TASOR2: variants seen among roughly 807,000 people sequenced by gnomAD.
TASOR2 encodes protein TASOR 2.
A neutral mutation model predicts 199.5 loss-of-function variants in TASOR2; 84 were observed. The ratio of observed to expected loss-of-function variants is 0.42; its 90% confidence interval spans 0.35 to 0.50. The LOEUF (loss-of-function observed/expected upper bound fraction) is 0.50. Ranked by LOEUF, TASOR2 falls within the 20% of genes least tolerant of loss-of-function variation. The probability of loss-of-function intolerance (pLI) is 0.02; values close to 1 mark genes in which losing one functional copy is unlikely to be tolerated. For synonymous variants in TASOR2, 1,103 were observed against 1,046.6 expected, an observed-to-expected ratio of 1.05 and a Z score of -1.04; for missense variants, 2,796 against 2,835.9, an observed-to-expected ratio of 0.99 and a Z score of 0.32.
intron 1 of TASOR2, among the ~76,000 whole-genome samples, chr10:5,703,360 G>C (rs754838028): frequency 6.6e-6 from 1 of 151,786 alleles, no homozygotes; most frequent in African/African-American, 2.4e-5. Context: ...ATAAGGCATA[G>C]GTTTTTTTAA....
rs778166755 is a variant in TASOR2, at chr10:5,740,022, G to A, written c.1852G>A (p.Glu618Lys). Residue 618 changes from glutamate to lysine, a missense_variant, in exon 13 of 21, where the codon GAA (glutamate) becomes AAA (lysine). Glu to Lys is a moderately conservative substitution (Grantham distance 56). Transcript: ENST00000328090. This position sits in a 1 kb window ranked among gnomAD's most constrained non-coding sequence, Gnocchi z 5.3. ...AGACTTAACAGTTAGCCAAGATGAA[G>A]AAAGCTTGGTTCCTTGTAGTCAGGC... 6.2e-7 allele frequency: 1 copy of A among 1,614,100 alleles called. No homozygotes were observed. The highest frequency in any genetic ancestry group is 1.1e-5 in the South Asian group (1 of 91,092).
At chr10:5,756,443 T>C (rs1169712781) in intron 15 of TASOR2, among the ~76,000 whole-genome samples, 170 bp from the exon 17 acceptor site, 1 of 152,210 alleles carries the variant, frequency 6.6e-6, no homozygotes, top group Non-Finnish European at 1.5e-5. Context: ...TTGTTAACAA[T>C]ACCTGATTCA....
chr10:5,735,368 T>G (rs768140519), exon 12 of TASOR2: 1 of 1,614,040 alleles, frequency 6.2e-7, no homozygotes, highest in Non-Finnish European at 8.5e-7. Flanking sequence ...ACCAAGAAGC[T>G]CCTATTTCTA....
chr10:5,687,633 A>C lies in TASOR2; in HGVS notation c.-288+2458A>C, dbSNP rs932277524. Among the ~76,000 whole-genome samples, 1 of 152,246 alleles carries C rather than the reference A, an allele frequency of 6.6e-6. No individual in the cohort carries two copies. The highest frequency in any genetic ancestry group is 1.5e-5 in the Non-Finnish European group (1 of 68,042). ...TCAGGAGTTAGGGACCAGCCTGGCC[A>C]ACATGGTGAAACACCATCTCTACTA... is the stretch of plus-strand genomic sequence containing the variant. On this transcript the variant is annotated intron_variant, in intron 1 of 20. Transcript: ENST00000328090. The surrounding 1 kb of genome is among the most constrained non-coding windows in gnomAD (Gnocchi z 4.8).
chr10:5,712,850 G>A, exon 2 of TASOR2: 1 of 1,230,882 alleles, frequency 8.1e-7, no homozygotes, highest in Non-Finnish European at 1.0e-6. Flanking sequence ...ACAAAAAAAA[G>A]CAAGTAGTTA....
At chr10:5,692,314 T>G (rs1384447396) in intron 1 of TASOR2, among the ~76,000 whole-genome samples, 2 of 152,190 alleles carry the variant, frequency 1.3e-5, no homozygotes, top group African/African-American at 4.8e-5. Context: ...TTGAGATCAC[T>G]GTAGTGAAAA....
At chr10:5,763,596 A>G (rs1440839238) in exon 21 of TASOR2, 4 of 152,102 alleles carry the variant, frequency 2.6e-5, no homozygotes, top group Admixed American at 2.6e-4. Flanking sequence ...GAAAGAAATA[A>G]TCATTTATTT....
intron 1 of TASOR2, among the ~76,000 whole-genome samples, chr10:5,692,543 G>C (rs1025139924): frequency 6.6e-6 from 1 of 152,170 alleles, no homozygotes; most frequent in Non-Finnish European, 1.5e-5. Flanking sequence ...GGTCTGCAGG[G>C]TCCTGGGGTC....
chr10:5,690,695 G>A lies in TASOR2; in HGVS notation c.-288+5520G>A, dbSNP rs1342429404. ...ATTCTCAGGATATTTTTGTAAGAGG[G>A]ACAAAACTACTTAACAGTGTGTATC... On this transcript the variant is annotated intron_variant, in intron 1 of 20. Transcript: ENST00000328090. This position sits in a 1 kb window ranked among gnomAD's most constrained non-coding sequence, Gnocchi z 4.8. Among the ~76,000 whole-genome samples, 1 of 152,110 alleles carries A rather than the reference G, an allele frequency of 6.6e-6. No homozygotes were observed. Among genetic ancestry groups the A allele is most frequent in the Admixed American group, 6.5e-5 (1 of 15,274 alleles).
At chr10:5,734,716 ATTTTTTTTTTTTTTT>A (rs140600979) in intron 11 of TASOR2, among the ~76,000 whole-genome samples, 1 of 54,146 alleles carries the variant, frequency 1.8e-5, no homozygotes, top group African/African-American at 6.7e-5. Context: ...GGTTATGAAG[ATTTTTTTTTTTTTTT>A]TTTTTTTTTT....
In TASOR2 at chr10:5,730,861, C is replaced by T. The variant is rs144234560; in HGVS notation, c.862C>T (p.Pro288Ser). 7 of 1,614,138 alleles carry T rather than the reference C, an allele frequency of 4.3e-6. No homozygotes were observed. Among genetic ancestry groups the T allele is most frequent in the African/African-American group, 1.3e-5 (1 of 75,036 alleles). Residue 288 changes from proline to serine, a missense_variant, in exon 11 of 21, where the codon CCT (proline) becomes TCT (serine). Around this residue, in one of 3 missense-constraint regions of TASOR2, gnomAD observed 847 missense variants for 887.4 expected, o/e 0.95. Coordinates refer to ENST00000328090, the Ensembl canonical transcript of TASOR2. This position sits in a 1 kb window ranked among gnomAD's most constrained non-coding sequence, Gnocchi z 4.1. Reference sequence around the variant, plus strand: ...CTTGCTAGCAGAGCATCCTCAGTCTCCTTGTGTTTCAGACGGAATTTGTGA... The same window carrying T: ...CTTGCTAGCAGAGCATCCTCAGTCTTCTTGTGTTTCAGACGGAATTTGTGA...
At chr10:5,763,047 G>A (rs551904436) in exon 21 of TASOR2, 1 of 1,611,296 alleles carries the variant, frequency 6.2e-7, no homozygotes, top group African/African-American at 1.3e-5. Context: ...ACTACAGCCT[G>A]CCTGGATATG....
At position 5,754,571 on chromosome 10, in the gene TASOR2, G is replaced by A. The variant is rs1028353286; in HGVS notation, c.6607-2042G>A. ...TGCCTGGCTAATTTTTGTATTTTTA[G>A]TAGAGATGGGGTTTCACCATGTTGG... On this transcript the variant is annotated intron_variant, in intron 15 of 20. Transcript: ENST00000328090. The surrounding 1 kb of genome is among the most constrained non-coding windows in gnomAD (Gnocchi z 4.3). Among the ~76,000 whole-genome samples the A allele has an allele frequency of 1.3e-5, 2 of 151,966 alleles. No individual in the cohort carries two copies. The highest frequency in any genetic ancestry group is 2.9e-5 in the Non-Finnish European group (2 of 67,998).
intron 1 of TASOR2, among the ~76,000 whole-genome samples, chr10:5,696,706 T>G (rs984533478): frequency 2.0e-5 from 3 of 151,996 alleles, no homozygotes; most frequent in Non-Finnish European, 4.4e-5. Context: ...CAGCCAAGGG[T>G]CGCCTGCCAT....
chr10:5,746,971 C>G (rs762496499), exon 15 of TASOR2: 2 of 1,614,184 alleles, frequency 1.2e-6, no homozygotes, highest in Non-Finnish European at 1.7e-6. Flanking sequence ...TCAGGATTTC[C>G]TTTCACAGAC....
Position 5,738,398 on chromosome 10 carries a change from T to C in TASOR2, c.1448-1220T>C, listed in dbSNP as rs149465236. Among the ~76,000 whole-genome samples, 247 of 152,352 alleles carry C rather than the reference T, an allele frequency of 1.6e-3. 2 individuals are homozygous for C. Among genetic ancestry groups the C allele is most frequent in the African/African-American group, 5.5e-3 (227 of 41,580 alleles). ...ATATTTTGTGTAAGGGATAAGTAGATGGAGGCCATAATATTAACAAAGAAT... is the reference window on the plus strand; with the variant it reads ...ATATTTTGTGTAAGGGATAAGTAGACGGAGGCCATAATATTAACAAAGAAT... On this transcript the variant is annotated intron_variant, in intron 12 of 20. Coordinates refer to ENST00000328090, the Ensembl canonical transcript of TASOR2. This position sits in a 1 kb window ranked among gnomAD's most constrained non-coding sequence, Gnocchi z 4.7.
chr10:5,690,291 G>T lies in TASOR2; in HGVS notation c.-288+5116G>T, dbSNP rs1836282494. On this transcript the variant is annotated intron_variant, in intron 1 of 20. Transcript: ENST00000328090. This position sits in a 1 kb window ranked among gnomAD's most constrained non-coding sequence, Gnocchi z 4.8. Reference sequence around the variant, plus strand: ...CTGGAGTGTACTTTGTTTTCTCTTAGTAAGATTTTAATTACATTTAATCGG... The same window carrying T: ...CTGGAGTGTACTTTGTTTTCTCTTATTAAGATTTTAATTACATTTAATCGG... Among the ~76,000 whole-genome samples, 1 of 152,024 alleles carries T rather than the reference G, an allele frequency of 6.6e-6. No homozygotes were observed. Among genetic ancestry groups the T allele is most frequent in the African/African-American group, 2.4e-5 (1 of 41,372 alleles).
intron 18 of TASOR2, chr10:5,760,944 A>C (rs1462444786): frequency 1.8e-5 from 3 of 164,078 alleles, no homozygotes; most frequent in African/African-American, 7.2e-5. Flanking sequence ...GTTGGCGATT[A>C]TCTGCCCACA....
At chr10:5,729,825 T>C (rs890514670) in intron 10 of TASOR2, among the ~76,000 whole-genome samples, 2 of 152,178 alleles carry the variant, frequency 1.3e-5, no homozygotes, top group African/African-American at 4.8e-5. Context: ...TTTCTCTTTT[T>C]TTTTCCCTTT....
Sources: gnomAD v4.1 joint callset for allele counts (sites outside exome capture counted in the v4.1 genomes callset) on GRCh38, gnomAD v4.1.1 for gene constraint, gnomAD v4.1.1 regional missense constraint, Gnocchi (gnomAD v3.1) non-coding constraint, MANE v1.5 for transcripts, NCBI Gene and HGNC (gene_info 2026-07-23, HGNC 2026-07-21) for gene names.